CHFR: variants seen among roughly 807,000 people sequenced by gnomAD.
The protein encoded by CHFR is E3 ubiquitin-protein ligase CHFR.
CHFR carries 57 observed loss-of-function variants against 87.6 expected under a neutral mutation model. The observed-to-expected ratio is 0.65, with a 90% CI of 0.53 to 0.81. The LOEUF (loss-of-function observed/expected upper bound fraction) is 0.81, where lower values mean the gene tolerates loss of function less well. Among genes scored for constraint, CHFR ranks in the 30% least tolerant of loss-of-function variants. The probability of loss-of-function intolerance (pLI) is 0.00; values close to 1 mark genes in which losing one functional copy is unlikely to be tolerated. For synonymous variants in CHFR, 381 were observed against 359.2 expected (o/e 1.06, Z -0.69); for missense variants, 797 against 865.8 (o/e 0.92, Z 1.00).
Position 132,870,799 on chromosome 12 carries a change from T to C in CHFR, c.344-16A>G. On this transcript the variant is annotated splice_polypyrimidine_tract_variant and intron_variant, in intron 4 of 17. Transcript: ENST00000450056. ...TATGCCACGTCTAAAAGAAAATCAA[T>C]CAAATCAGAAAAGTGGTGGCCCCTG... 13 of 1,584,078 alleles carry C rather than the reference T, an allele frequency of 8.2e-6. No individual in the cohort carries two copies. Among genetic ancestry groups the C allele is most frequent in the Non-Finnish European group, 1.1e-5 (13 of 1,153,432 alleles).
At chr12:132,846,263 C>CTTTTTT (rs10573381) in intron 15 of CHFR, among the ~76,000 whole-genome samples, 7 of 127,858 alleles carry the variant, frequency 5.5e-5, no homozygotes, top group East Asian at 5.0e-4. Context: ...GCTTAACTGT[C>CTTTTTT]TTTTTTTTTT....
At chr12:132,851,587 C>T (rs1052917432) in intron 12 of CHFR, 31 bp downstream of exon 12, 1 of 1,584,726 alleles carries the variant, frequency 6.3e-7, no homozygotes, top group South Asian at 1.1e-5. Flanking sequence ...CAGATAGGAA[C>T]CCGCCTGCGT....
chr12:132,851,800 A>G (rs1440264741), intron 11 of CHFR, 63 bp from the exon 12 acceptor site: 9 of 1,552,126 alleles, frequency 5.8e-6, no homozygotes, highest in African/African-American at 1.4e-5. Context: ...AGCAGGTTAG[A>G]GAGGCCGCCG....
At chr12:132,844,229 A>G in intron 15 of CHFR, 95 bp from the exon 16 acceptor site, 1 of 755,982 alleles carries the variant, frequency 1.3e-6, no homozygotes, top group East Asian at 2.7e-5. Flanking sequence ...CTGACCATAA[A>G]TGGGGTGAAG....
intron 2 of CHFR, among the ~76,000 whole-genome samples, chr12:132,880,731 C>T (rs1194461990): frequency 6.7e-6 from 1 of 150,302 alleles, no homozygotes; most frequent in Non-Finnish European, 1.5e-5. Flanking sequence ...CGTTGGGAGG[C>T]CGAGGCGGGC....
At chr12:132,846,472 G>A (rs184518193) in intron 15 of CHFR, among the ~76,000 whole-genome samples, 5 of 151,778 alleles carry the variant, frequency 3.3e-5, no homozygotes, top group Non-Finnish European at 5.9e-5. Flanking sequence ...GGGTTTTACC[G>A]TGTTAGCCAG....
rs1307468722 is a variant in CHFR at position 132,887,547 on chromosome 12, C to A, written c.-13G>T. 4 of 167,010 alleles carry A rather than the reference C, an allele frequency of 2.4e-5. No individual in the cohort carries two copies. Among genetic ancestry groups the A allele is most frequent in the South Asian group, 1.8e-4 (1 of 5,696 alleles). The allele number at this position is 167,010 out of a possible 1,614,324, so 10.3% of individuals were successfully genotyped here. Reference sequence around the variant, plus strand: ...CAGCCCCCTCGCCAGCCGCGCTTACCCCCGCCCCGCGCCGAACCCGGAACC... The same window carrying A: ...CAGCCCCCTCGCCAGCCGCGCTTACACCCGCCCCGCGCCGAACCCGGAACC... On this transcript the variant is annotated splice_region_variant and 5_prime_UTR_variant, in exon 1 of 18. Transcript: ENST00000450056.
chr12:132,848,617 T>C, intron 13 of CHFR, 24 bp downstream of exon 13: 2 of 1,560,306 alleles, frequency 1.3e-6, no homozygotes, highest in South Asian at 1.2e-5. Context: ...TCAAAGCAAC[T>C]GGGGCCTGAA....
chr12:132,863,501 G>A (rs577595590), intron 6 of CHFR, among the ~76,000 whole-genome samples: 8 of 151,806 alleles, frequency 5.3e-5, no homozygotes, highest in African/African-American at 1.2e-4. Context: ...TCAAAATTCC[G>A]TCTCAAAAAA....
At chr12:132,885,395 A>G (rs1329851351) in intron 2 of CHFR, among the ~76,000 whole-genome samples, 1 of 150,364 alleles carries the variant, frequency 6.7e-6, no homozygotes, top group East Asian at 1.9e-4. Flanking sequence ...TGGGTGATAG[A>G]GTGAGACTCT....
chr12:132,858,931 T>G, intron 8 of CHFR, 137 bp downstream of exon 8: 1 of 787,202 alleles, frequency 1.3e-6, no homozygotes, highest in Non-Finnish European at 1.9e-6. Flanking sequence ...CACCCACTTA[T>G]CTGGGTGACA....
rs1566166951 is a variant in CHFR, at chr12:132,833,768, CGCCACT to C, written c.*7780_*7785del. ...TGGAGGCTGCAGTGAGCTGACATTG[CGCCACT>C]GCCCTCCAGCCCTGACAACAGAGCA... On this transcript the variant is annotated 3_prime_UTR_variant, in exon 18 of 18. Coordinates refer to ENST00000450056, the MANE Select transcript of CHFR (RefSeq NM_001161346.2). 1 of 152,262 alleles carries C rather than the reference CGCCACT, an allele frequency of 6.6e-6. No homozygotes were observed. The highest frequency in any genetic ancestry group is 2.4e-5 in the African/African-American group (1 of 41,398). 9.4% of individuals were successfully genotyped at this position (152,262 alleles called of 1,614,324 possible). A position where few individuals can be genotyped will look rare whatever the true frequency, so the allele number is the denominator to read the frequency against.
chr12:132,872,198 G>C, intron 4 of CHFR, 87 bp downstream of exon 4: 1 of 791,488 alleles, frequency 1.3e-6, no homozygotes, highest in Non-Finnish European at 2.2e-6. Context: ...CCTATGGGAA[G>C]GGATGTAGCC....
In CHFR at chr12:132,840,878, G is replaced by C. The variant is rs2136905761; in HGVS notation, c.*676C>G. On this transcript the variant is annotated 3_prime_UTR_variant, in exon 18 of 18. Coordinates refer to ENST00000450056, the MANE Select transcript of CHFR (RefSeq NM_001161346.2). ...TTAGCAAGGAGCGACTAACTTGGCG[G>C]CCACGTCGAGGGTTAGCAGTTTTGG... The C allele has an allele frequency of 6.6e-6, 1 of 152,346 alleles. No individual in the cohort carries two copies. The highest frequency in any genetic ancestry group is 2.4e-5 in the African/African-American group (1 of 41,584). 9.4% of individuals were successfully genotyped at this position (152,346 alleles called of 1,614,324 possible).
chr12:132,884,636 C>A (rs977451422), intron 2 of CHFR, among the ~76,000 whole-genome samples: 1 of 152,062 alleles, frequency 6.6e-6, no homozygotes, highest in Non-Finnish European at 1.5e-5. Flanking sequence ...AGGGCTGGTG[C>A]CCTCTTAAGA....
At position 132,841,394 on chromosome 12, in the gene CHFR, G is replaced by T; in HGVS notation, c.*160C>A. ...GCTCTGGGGAGGGTCTCACTCAGAG[G>T]GTAAAGCTCCACAGAAGAGTCACCC... On this transcript the variant is annotated 3_prime_UTR_variant, in exon 18 of 18. Coordinates refer to ENST00000450056, the MANE Select transcript of CHFR (RefSeq NM_001161346.2). 2 of 607,354 alleles carry T rather than the reference G, an allele frequency of 3.3e-6. No individual in the cohort carries two copies. The highest frequency in any genetic ancestry group is 2.0e-5 in the South Asian group (1 of 50,476). The allele number at this position is 607,354 out of a possible 1,614,324, so 37.6% of individuals were successfully genotyped here.
At chr12:132,862,005 G>T (rs1593483566) in intron 6 of CHFR, 1 of 213,286 alleles carries the variant, frequency 4.7e-6, no homozygotes, top group Non-Finnish European at 9.7e-6. Context: ...GGGTGCGGTG[G>T]CTCACACCCG....
intron 14 of CHFR, chr12:132,847,664 A>G (rs1950857832): frequency 1.8e-6 from 2 of 1,096,216 alleles, no homozygotes; most frequent in Non-Finnish European, 2.2e-6. Flanking sequence ...CATGTTAAAC[A>G]TATGTAAATC....
At position 132,844,177 on chromosome 12, in the gene CHFR, A is replaced by AACAGCAGCGCACGGACTTC. The variant is rs1398977963; in HGVS notation, c.1736-62_1736-44dup. 3.0e-6 allele frequency: 4 copies of AACAGCAGCGCACGGACTTC among 1,336,802 alleles called. No homozygotes were observed. The Admixed American group carries it at 5.3e-5, about 18-fold the overall frequency. 82.8% of individuals were successfully genotyped at this position (1,336,802 alleles called of 1,614,324 possible). ...AGTTACCCAGCAACACCATCTTCCC[A>AACAGCAGCGCACGGACTTC]ACAGCAGCGCACGGACTTCACAGCA... On this transcript the variant is annotated intron_variant, in intron 15 of 17. Coordinates refer to ENST00000450056, the MANE Select transcript of CHFR (RefSeq NM_001161346.2).
Sources: gnomAD v4.1 joint callset for allele counts (sites outside exome capture counted in the v4.1 genomes callset) on GRCh38, gnomAD v4.1.1 for gene constraint, MANE v1.5 for transcripts, NCBI Gene and HGNC (gene_info 2026-07-23, HGNC 2026-07-21) for gene names.